DSCAM: variants seen among roughly 807,000 people sequenced by gnomAD.
DSCAM encodes the protein DS cell adhesion molecule.
Under a neutral mutation model 217.7 loss-of-function variants are expected in DSCAM, and 47 were observed. That is an observed-to-expected ratio of 0.22 (90% CI 0.17 to 0.28). The LOEUF is 0.28. DSCAM is among the 10% of genes least tolerant of loss of function. The pLI, the probability that DSCAM is intolerant of heterozygous loss-of-function variation, is 1.00. For synonymous variants in DSCAM, 1,056 were observed against 1,015.3 expected (o/e 1.04, Z -0.76); for missense variants, 2,080 against 2,618.3 (o/e 0.79, Z 4.49).
Position 40,240,424 on chromosome 21 carries a change from A to G in DSCAM, c.2356+35673T>C, listed in dbSNP as rs566492022. Among the ~76,000 whole-genome samples, 9 of 137,350 alleles carry G rather than the reference A, an allele frequency of 6.6e-5. No homozygotes were observed. In the South Asian group the frequency reaches 2.0e-3, roughly 31 times the overall value. 90.1% of individuals were successfully genotyped at this position (137,350 alleles called of 152,430 possible). Reference sequence around the variant, plus strand: ...CCATTCTAATGTATCTTGCATACAGATAGATAGATATTCATTACTTTTCTG... The same window carrying G: ...CCATTCTAATGTATCTTGCATACAGGTAGATAGATATTCATTACTTTTCTG... On this transcript the variant is annotated intron_variant, in intron 11 of 32. Coordinates refer to ENST00000400454, the MANE Select transcript of DSCAM (RefSeq NM_001389.5).
At chr21:40,072,562 A>G (rs1294933017) in intron 27 of DSCAM, among the ~76,000 whole-genome samples, 1 of 151,780 alleles carries the variant, frequency 6.6e-6, no homozygotes, top group African/African-American at 2.4e-5. Context: ...GTTAGCCAGG[A>G]TGGTCTCGAT....
intron 20 of DSCAM, among the ~76,000 whole-genome samples, chr21:40,118,326 T>C (rs2146654875): frequency 6.6e-6 from 1 of 152,100 alleles, no homozygotes; most frequent in South Asian, 2.1e-4. Flanking sequence ...AGGAAGGAGA[T>C]TAAGAAGACA....
chr21:40,632,343 T>C (rs1389679763), intron 3 of DSCAM, among the ~76,000 whole-genome samples: 6 of 121,258 alleles, frequency 4.9e-5, no homozygotes. Flanking sequence ...TTTACAAGAA[T>C]AAAAGGAAAT....
intron 1 of DSCAM, among the ~76,000 whole-genome samples, chr21:40,846,301 C>T (rs935295616): frequency 2.0e-5 from 3 of 152,102 alleles, no homozygotes; most frequent in Non-Finnish European, 2.9e-5. Flanking sequence ...TCCTGTCTCT[C>T]CTTCTGTCAC....
At chr21:40,399,083 C>T (rs1310411740) in intron 3 of DSCAM, among the ~76,000 whole-genome samples, 2 of 152,132 alleles carry the variant, frequency 1.3e-5, no homozygotes, top group East Asian at 3.9e-4. Flanking sequence ...CCAGCCTGAG[C>T]AACATAGCCA....
rs536817007 is a variant in DSCAM, at chr21:40,124,755, T to C, written c.3563-427A>G. Reference sequence around the variant, plus strand: ...AAAGAGAACCAGCCCTGCAGACACCTTGATTTTGGACTTCTGGCCTCCAGA... The same window carrying C: ...AAAGAGAACCAGCCCTGCAGACACCCTGATTTTGGACTTCTGGCCTCCAGA... On this transcript the variant is annotated intron_variant, in intron 19 of 32. Transcript: ENST00000400454. 3.9e-5 allele frequency among the ~76,000 whole-genome samples: 6 copies of C among 152,174 alleles called. No homozygotes were observed. In the South Asian group the frequency reaches 1.2e-3, roughly 32 times the overall value.
At chr21:40,299,329 C>T (rs911958510) in intron 9 of DSCAM, among the ~76,000 whole-genome samples, 5 of 152,100 alleles carry the variant, frequency 3.3e-5, no homozygotes, top group Non-Finnish European at 7.3e-5. Flanking sequence ...AATATTCAAT[C>T]CCTAAGTGAT....
At chr21:40,817,177 T>C (rs941729393) in intron 1 of DSCAM, among the ~76,000 whole-genome samples, 6 of 152,142 alleles carry the variant, frequency 3.9e-5, no homozygotes, top group Non-Finnish European at 5.9e-5. Context: ...GCCCCATTTG[T>C]CTTAACAATT....
rs573808133 is a variant in DSCAM, at chr21:40,026,108, T to C, written c.5687-12722A>G. Among the ~76,000 whole-genome samples the C allele has an allele frequency of 5.7e-4, 81 of 142,414 alleles. 12 individuals are homozygous for C. The highest frequency in any genetic ancestry group is 1.8e-3 in the African/African-American group (73 of 39,968). The allele number at this position is 142,414 out of a possible 152,430, so 93.4% of individuals were successfully genotyped here. A position where few individuals can be genotyped will look rare whatever the true frequency, so the allele number is the denominator to read the frequency against. ...GTTGGTTTCAAAGAACATCTTTATT[T>C]CTGGTTTCATTTCGTTATGTACCCA... On this transcript the variant is annotated intron_variant, in intron 32 of 32. Transcript: ENST00000400454.
intron 3 of DSCAM, among the ~76,000 whole-genome samples, chr21:40,444,587 GCTGA>G (rs767479726): frequency 3.3e-5 from 5 of 152,164 alleles, no homozygotes; most frequent in African/African-American, 9.7e-5. Flanking sequence ...TGCAGTAATG[GCTGA>G]CTAATACATA....
intron 3 of DSCAM, among the ~76,000 whole-genome samples, chr21:40,598,944 C>T (rs1044090622): frequency 1.5e-4 from 23 of 152,240 alleles, no homozygotes; most frequent in African/African-American, 5.1e-4. Flanking sequence ...AATTATTTAA[C>T]GACATATAAT....
At chr21:40,657,231 C>T (rs190899635) in intron 3 of DSCAM, among the ~76,000 whole-genome samples, 252 of 152,208 alleles carry the variant, frequency 1.7e-3, no homozygotes, top group African/African-American at 5.5e-3. Flanking sequence ...TGTGTTGAAG[C>T]CTAGAGAGGC....
intron 4 of DSCAM, among the ~76,000 whole-genome samples, chr21:40,367,740 T>G (rs1282370370): frequency 3.3e-5 from 5 of 152,208 alleles, no homozygotes; most frequent in African/African-American, 7.2e-5. Context: ...TCATCTATAC[T>G]GTTAGTCCTG....
intron 8 of DSCAM, among the ~76,000 whole-genome samples, chr21:40,335,569 A>G (rs117502230): frequency 1.6e-3 from 249 of 152,318 alleles, no homozygotes; most frequent in Non-Finnish European, 2.8e-3. Flanking sequence ...AAATTACATT[A>G]AAGTATTATA....
intron 17 of DSCAM, among the ~76,000 whole-genome samples, chr21:40,143,453 A>G (rs979109564): frequency 3.9e-5 from 6 of 152,228 alleles, no homozygotes; most frequent in African/African-American, 1.4e-4. Flanking sequence ...CTCCTCGCAA[A>G]AATTGTCAGA....
chr21:40,223,184 G>A (rs73222783), intron 11 of DSCAM, among the ~76,000 whole-genome samples: 4,306 of 152,246 alleles, frequency 0.028, 130 homozygotes, highest in African/African-American at 0.07. Flanking sequence ...GATTGGAGTT[G>A]CCTCCTGAGA....
chr21:40,432,256 AGTCAAAAG>A (rs2075541770), intron 3 of DSCAM, among the ~76,000 whole-genome samples: 1 of 138,720 alleles, frequency 7.2e-6, no homozygotes, highest in African/African-American at 2.6e-5. Flanking sequence ...TTCTTCTGAT[AGTCAAAAG>A]GCTAAAATCA....
chr21:40,087,189 C>T lies in DSCAM; in HGVS notation c.3949G>A (p.Val1317Ile). 2 of 1,613,754 alleles carry T rather than the reference C, an allele frequency of 1.2e-6. No individual in the cohort carries two copies. The highest frequency in any genetic ancestry group is 1.3e-5 in the African/African-American group (1 of 75,038). ...GGTTACCTGTCTTTCATCCATTTGACTGCAGGAGAAGGGTCCCCAACAGCC... is the reference window on the plus strand; with the variant it reads ...GGTTACCTGTCTTTCATCCATTTGATTGCAGGAGAAGGGTCCCCAACAGCC... ...CKAVGDPSPA[V>I]KWMKDSNGTP... The change falls in exon 22 of 33, where the codon GTC (valine) becomes ATC (isoleucine). Residue 1317 changes from valine to isoleucine, a missense_variant. Physicochemically the swap from Val to Ile is conservative, Grantham distance 29. Coordinates refer to ENST00000400454, the MANE Select transcript of DSCAM (RefSeq NM_001389.5).
chr21:40,468,924 G>A (rs1569136165), intron 3 of DSCAM, among the ~76,000 whole-genome samples: 1 of 152,042 alleles, frequency 6.6e-6, no homozygotes, highest in Non-Finnish European at 1.5e-5. Context: ...GAGTAGGAAT[G>A]GTATCATCCA....
Sources: allele counts gnomAD v4.1 joint callset (sites outside exome capture counted in the v4.1 genomes callset), GRCh38; gene constraint gnomAD v4.1.1; transcripts MANE v1.5; gene names NCBI Gene and HGNC (gene_info 2026-07-23, HGNC 2026-07-21).